PRKCB: variants seen among roughly 807,000 people sequenced by gnomAD.
PRKCB encodes protein kinase C beta type.
A neutral mutation model predicts 81.5 loss-of-function variants in PRKCB; 13 were observed. The ratio of observed to expected loss-of-function variants is 0.16; its 90% CI spans 0.10 to 0.25. The LOEUF is 0.25. Ranked by LOEUF, PRKCB falls within the 10% of genes least tolerant of loss-of-function variation. PRKCB has a pLI of 1.00. For missense variants in PRKCB, 509 were observed against 875.7 expected (o/e 0.58, Z 5.29); for synonymous variants, 335 against 321.4 (o/e 1.04, Z -0.45).
chr16:24,210,682 T>G (rs1036330657), intron 16 of PRKCB, among the ~76,000 whole-genome samples: 1 of 152,048 alleles, frequency 6.6e-6, no homozygotes, highest in Non-Finnish European at 1.5e-5. Flanking sequence ...GTATTTTTGG[T>G]AGAGACGGGG....
intron 2 of PRKCB, among the ~76,000 whole-genome samples, chr16:23,877,832 T>C (rs1963041065): frequency 6.6e-6 from 1 of 150,718 alleles, no homozygotes; most frequent in African/African-American, 2.4e-5. Context: ...TCACTTCTTT[T>C]TTTTTTTTTC....
chr16:24,123,850 C>T lies in PRKCB; in HGVS notation c.934C>T (p.Gln312Ter), dbSNP rs1966829832. The change falls in exon 9 of 17, where the codon CAG (glutamine) becomes TAG (stop). Residue 312 changes from glutamine (Q) to a stop codon, truncating the protein, a stop_gained. Transcript: ENST00000643927. LOFTEE classifies it high-confidence loss of function. Reference protein sequence around the residue: ...RQKFERAKISQGTKVPEEKTT... With the variant: ...RQKFERAKIS The stretch of plus-strand genomic sequence containing the variant: ...CTTTTTGCAGAGGGCCAAGATCAGT[C>T]AGGGAACCAAGGTCCCGGAAGAAAA... 6.2e-7 allele frequency: 1 copy of T among 1,613,976 alleles called. No individual in the cohort carries two copies. Among genetic ancestry groups the T allele is most frequent in the African/African-American group, 1.3e-5 (1 of 74,900 alleles).
chr16:23,952,344 G>A (rs1359768845), intron 2 of PRKCB, among the ~76,000 whole-genome samples: 2 of 152,180 alleles, frequency 1.3e-5, no homozygotes, highest in Admixed American at 6.5e-5. Flanking sequence ...GTATGTGCAC[G>A]CACGTCAGGG....
At position 23,988,533 on chromosome 16, in the gene PRKCB, G is replaced by A. The variant is rs764380918; in HGVS notation, c.231G>A (p.Arg77=). 2.5e-6 allele frequency: 4 copies of A among 1,613,950 alleles called. No homozygotes were observed. Among genetic ancestry groups the A allele is most frequent in the Non-Finnish European group, 3.4e-6 (4 of 1,180,008 alleles). ...CQVCCFVVHK[R]CHEFVTFSCP... ...TTTGCTGCTTTGTGGTGCACAAGCG[G>A]TGCCATGAATTTGTCACATTCTCCT... is the stretch of plus-strand genomic sequence containing the variant. Residue 77 remains arginine (R), a synonymous_variant, in exon 3 of 17, where the codon CGG becomes CGA. Coordinates refer to ENST00000643927, the MANE Select transcript of PRKCB (RefSeq NM_002738.7).
At position 24,092,863 on chromosome 16, in the gene PRKCB, T is replaced by G; in HGVS notation, c.602T>G (p.Ile201Ser). The change falls in exon 6 of 17, where the codon ATT (isoleucine) becomes AGT (serine). Residue 201 changes from isoleucine to serine, a missense_variant. Ile to Ser is a moderately radical substitution (Grantham distance 142). Transcript: ENST00000643927. Reference sequence around the variant, plus strand: ...GATCCCTACGTAAAACTGAAACTGATTCCCGATCCCAAAAGTGAGAGCAAA... The same window carrying G: ...GATCCCTACGTAAAACTGAAACTGAGTCCCGATCCCAAAAGTGAGAGCAAA... Reference protein sequence around the residue: ...LSDPYVKLKLIPDPKSESKQK... With the variant: ...LSDPYVKLKLSPDPKSESKQK... 6.2e-7 allele frequency: 1 copy of G among 1,614,126 alleles called. No individual in the cohort carries two copies. The highest frequency in any genetic ancestry group is 8.5e-7 in the Non-Finnish European group (1 of 1,180,016).
At chr16:24,075,225 G>C (rs1187214055) in intron 5 of PRKCB, among the ~76,000 whole-genome samples, 1 of 152,112 alleles carries the variant, frequency 6.6e-6, no homozygotes, top group Non-Finnish European at 1.5e-5. Flanking sequence ...CATGTGGCTA[G>C]TGGTTACTAT....
intron 13 of PRKCB, among the ~76,000 whole-genome samples, chr16:24,183,153 C>G (rs1028251307): frequency 2.0e-5 from 3 of 152,104 alleles, no homozygotes; most frequent in African/African-American, 7.2e-5. Context: ...GAAGTGTTCT[C>G]CTGGAATGCT....
At chr16:24,032,327 A>G (rs1375338767) in intron 4 of PRKCB, 80 bp downstream of exon 4, 47 of 998,352 alleles carry the variant, frequency 4.7e-5, no homozygotes, top group Non-Finnish European at 2.1e-5. Flanking sequence ...TTTGGGGTCC[A>G]GGTCTGCCAT....
intron 5 of PRKCB, among the ~76,000 whole-genome samples, chr16:24,085,676 A>G (rs1966303211): frequency 6.6e-6 from 1 of 152,160 alleles, no homozygotes; most frequent in Non-Finnish European, 1.5e-5. Context: ...GGGGGTGGGG[A>G]GACAAAGGCT....
At chr16:24,002,255 T>A (rs149082996) in intron 3 of PRKCB, among the ~76,000 whole-genome samples, 30 of 152,208 alleles carry the variant, frequency 2.0e-4, no homozygotes, top group African/African-American at 7.0e-4. Flanking sequence ...TAGCTTAGTT[T>A]CACGGTTCCA....
intron 2 of PRKCB, among the ~76,000 whole-genome samples, chr16:23,908,559 C>T (rs1365942398): frequency 6.6e-6 from 1 of 152,142 alleles, no homozygotes; most frequent in East Asian, 1.9e-4. Flanking sequence ...GAGACGGATT[C>T]TCGCTCTGTC....
Position 23,885,815 on chromosome 16 carries a change from G to C in PRKCB, c.205+48409G>C, listed in dbSNP as rs193252881. ...GAAGCTGGCGGGGAAATATTTTTTG[G>C]ATGTCTTTCTAGATCTCTTAAAAAT... On this transcript the variant is annotated intron_variant, in intron 2 of 16. Transcript: ENST00000643927. Among the ~76,000 whole-genome samples, 30 of 152,284 alleles carry C rather than the reference G, an allele frequency of 2.0e-4. No homozygotes were observed. In the East Asian group the frequency reaches 5.8e-3, roughly 29 times the overall value.
At chr16:24,133,540 C>T (rs922513067) in intron 9 of PRKCB, among the ~76,000 whole-genome samples, 3 of 152,192 alleles carry the variant, frequency 2.0e-5, no homozygotes, top group Admixed American at 6.5e-5. Flanking sequence ...TAGCTGGTTC[C>T]TTTTCAACCT....
chr16:24,152,005 C>T (rs1225559523), intron 9 of PRKCB: 9 of 424,520 alleles, frequency 2.1e-5, no homozygotes, highest in Non-Finnish European at 4.3e-5. Flanking sequence ...CCCTCCTTCT[C>T]TCGTTTTGGT....
chr16:24,211,158 G>A (rs927064431), intron 16 of PRKCB, among the ~76,000 whole-genome samples: 4 of 152,190 alleles, frequency 2.6e-5, no homozygotes, highest in Admixed American at 2.6e-4. Flanking sequence ...CTGAAGCCAA[G>A]ATAACAAAAA....
chr16:24,145,650 G>A (rs1966977879), intron 9 of PRKCB, among the ~76,000 whole-genome samples: 2 of 152,204 alleles, frequency 1.3e-5, no homozygotes, highest in African/African-American at 4.8e-5. Flanking sequence ...TTGGACTTGT[G>A]GCAAGTGTAT....
intron 5 of PRKCB, among the ~76,000 whole-genome samples, chr16:24,059,155 A>G (rs1965941739): frequency 1.3e-5 from 2 of 152,312 alleles, no homozygotes; most frequent in South Asian, 4.1e-4. Flanking sequence ...CAGTAGGCAG[A>G]TGAATCTGTA....
intron 3 of PRKCB, among the ~76,000 whole-genome samples, chr16:24,005,800 G>A (rs148319389): frequency 1.1e-4 from 16 of 152,238 alleles, no homozygotes; most frequent in African/African-American, 3.1e-4. Flanking sequence ...GGTGTCATCC[G>A]GTCTCCTTGG....
intron 2 of PRKCB, among the ~76,000 whole-genome samples, chr16:23,863,764 A>G (rs577178901): frequency 2.0e-5 from 3 of 152,232 alleles, no homozygotes; most frequent in African/African-American, 7.2e-5. Flanking sequence ...TAAAATTGGT[A>G]TTAGTAGACA....
Sources: allele counts gnomAD v4.1 joint callset (sites outside exome capture counted in the v4.1 genomes callset), GRCh38; gene constraint gnomAD v4.1.1; transcripts MANE v1.5; gene names NCBI Gene and HGNC (gene_info 2026-07-23, HGNC 2026-07-21).